The following SLC71A1 variants were observed in gnomAD, a reference collection of about 807,000 sequenced individuals.
SLC71A1 encodes solute carrier family 71 member 1, also known as hippocampus abundant gene transcript 1.
chr1:100,046,905 T>G, the SLC71A1 span, among the ~76,000 whole-genome samples: 8 of 152,228 alleles, frequency 5.3e-5, no homozygotes, highest in African/African-American at 1.9e-4. Context: ...ATGGTACTGA[T>G]TTTTGTATCC....
At chr1:100,059,707 T>C in the SLC71A1 span, among the ~76,000 whole-genome samples, 2 of 152,066 alleles carry the variant, frequency 1.3e-5, no homozygotes, top group Non-Finnish European at 2.9e-5. Flanking sequence ...CTAAACTATC[T>C]TGGGAAATTT....
At chr1:100,048,899 G>A in the SLC71A1 span, among the ~76,000 whole-genome samples, 63 of 152,318 alleles carry the variant, frequency 4.1e-4, no homozygotes, top group Non-Finnish European at 8.7e-4. Flanking sequence ...GGGAAGTGCT[G>A]GGAAGCCACC....
the SLC71A1 span, among the ~76,000 whole-genome samples, chr1:100,081,063 T>C: frequency 6.6e-6 from 1 of 152,222 alleles, no homozygotes; most frequent in African/African-American, 2.4e-5. Flanking sequence ...TGCCAAACAA[T>C]GCTGATCATT....
the SLC71A1 span, chr1:100,080,171 T>G: frequency 5.5e-6 from 1 of 180,194 alleles, no homozygotes; most frequent in Admixed American, 5.9e-5. Context: ...TTTTAACATT[T>G]GTAGTTGTGA....
chr1:100,074,497 T>C, the SLC71A1 span, among the ~76,000 whole-genome samples: 1 of 151,674 alleles, frequency 6.6e-6, no homozygotes, highest in Admixed American at 6.6e-5. Context: ...GAGAATCACT[T>C]GAACCTGGGA....
chr1:100,067,567 T>G, the SLC71A1 span, among the ~76,000 whole-genome samples: 566 of 152,222 alleles, frequency 3.7e-3, no homozygotes, highest in Non-Finnish European at 6.1e-3. Context: ...TCCCAGCCCT[T>G]CGGGAGGCTG....
chr1:100,052,503 C>T, the SLC71A1 span, among the ~76,000 whole-genome samples: 2 of 144,432 alleles, frequency 1.4e-5, no homozygotes, highest in Non-Finnish European at 3.0e-5. Flanking sequence ...ACGATCTTGG[C>T]TCACTGCATC....
the SLC71A1 span, among the ~76,000 whole-genome samples, chr1:100,039,657 G>A: frequency 6.6e-6 from 1 of 152,266 alleles, no homozygotes; most frequent in East Asian, 1.9e-4. Context: ...ACTATGTGGG[G>A]AGAAAAATAC....
chr1:100,081,935 G>A, the SLC71A1 span: 1 of 1,180,572 alleles, frequency 8.5e-7, no homozygotes, highest in Non-Finnish European at 1.3e-6. Context: ...AATACTAAAA[G>A]GTATGTAGTT....
At chr1:100,082,225 A>C in the SLC71A1 span, 3 of 1,604,326 alleles carry the variant, frequency 1.9e-6, no homozygotes, top group Non-Finnish European at 2.6e-6. Context: ...GAAATCAGGA[A>C]GATTTTTCTA....
chr1:100,052,044 T>TCCTC, the SLC71A1 span, among the ~76,000 whole-genome samples: 456 of 152,306 alleles, frequency 3.0e-3, 2 homozygotes, highest in African/African-American at 0.01. Flanking sequence ...CTTCCTTGAC[T>TCCTC]CCTCCAGTGC....
the SLC71A1 span, chr1:100,068,121 G>C: frequency 6.2e-7 from 1 of 1,614,224 alleles, no homozygotes; most frequent in East Asian, 2.2e-5. Context: ...TGCTGTGCCA[G>C]AGTCGTTGCC....
chr1:100,068,730 C>T, the SLC71A1 span: 1 of 614,438 alleles, frequency 1.6e-6, no homozygotes, highest in East Asian at 2.9e-5. Flanking sequence ...CGCCTGTAAT[C>T]TCAGCACTTT....
chr1:100,083,129 A>G, the SLC71A1 span: 3 of 152,512 alleles, frequency 2.0e-5, no homozygotes, highest in African/African-American at 7.2e-5. Flanking sequence ...GGAGAGCTTT[A>G]TACAATTACC....
the SLC71A1 span, chr1:100,043,346 G>A: frequency 1.6e-5 from 4 of 254,290 alleles, no homozygotes; most frequent in Non-Finnish European, 2.5e-5. Context: ...TTTCAGCCAG[G>A]GTACATCAAG....
the SLC71A1 span, among the ~76,000 whole-genome samples, chr1:100,063,941 C>T: frequency 2.6e-5 from 4 of 152,170 alleles, no homozygotes; most frequent in African/African-American, 9.7e-5. Flanking sequence ...CAAATGTGAT[C>T]TCTGTAAATG....
chr1:100,061,935 A>G, the SLC71A1 span: 6 of 1,596,334 alleles, frequency 3.8e-6, no homozygotes, highest in Non-Finnish European at 4.3e-6. Flanking sequence ...TGAAAGAAGT[A>G]TGGCTTATGG....
chr1:100,058,854 A>G, the SLC71A1 span: 1 of 493,104 alleles, frequency 2.0e-6, no homozygotes, highest in East Asian at 3.4e-5. Context: ...TTAATAACTT[A>G]ATTTTTATAA....
the SLC71A1 span, among the ~76,000 whole-genome samples, chr1:100,067,038 G>T: frequency 6.7e-6 from 1 of 149,514 alleles, no homozygotes; most frequent in South Asian, 2.1e-4. Flanking sequence ...GGGTCTTGCT[G>T]TGTTGCCCAG....
Sources: gnomAD v4.1 joint callset for allele counts (sites outside exome capture counted in the v4.1 genomes callset) on GRCh38, gnomAD v4.1.1 for gene constraint, MANE v1.5 for transcripts, NCBI Gene and HGNC (gene_info 2026-07-23, HGNC 2026-07-21) for gene names.